NINL: variants seen among roughly 807,000 people sequenced by gnomAD.
The protein encoded by NINL is ninein like, also known as ninein-like protein.
In NINL, 153 loss-of-function variants were observed where a neutral mutation model predicts 160.3. That is an observed-to-expected ratio of 0.95 (90% CI 0.84 to 1.09). The LOEUF is 1.09. NINL is among the 50% of genes least tolerant of loss of function. The pLI is 0.00. For synonymous variants in NINL, 800 were observed against 734.8 expected, an observed-to-expected ratio of 1.09 and a Z score of -1.43; for missense variants, 1,829 against 1,764.0, an observed-to-expected ratio of 1.04 and a Z score of -0.66.
intron 13 of NINL, among the ~76,000 whole-genome samples, chr20:25,487,286 G>T (rs1018727805): frequency 2.6e-5 from 4 of 152,036 alleles, no homozygotes; most frequent in African/African-American, 7.2e-5. Context: ...ATATCTTTAG[G>T]TTTTTTTCTC....
intron 1 of NINL, among the ~76,000 whole-genome samples, chr20:25,564,109 C>T (rs2064973914): frequency 6.7e-6 from 1 of 149,890 alleles, no homozygotes; most frequent in South Asian, 2.1e-4. Context: ...TACCTGTGGT[C>T]TCAGCTACTT....
chr20:25,517,097 C>G (rs1408310687), intron 3 of NINL, among the ~76,000 whole-genome samples: 6 of 152,052 alleles, frequency 3.9e-5, no homozygotes, highest in Non-Finnish European at 8.8e-5. Flanking sequence ...TCTGTGTGAG[C>G]CTGGTCCCTT....
chr20:25,582,305 A>C (rs1164699951), intron 1 of NINL, among the ~76,000 whole-genome samples: 1 of 151,930 alleles, frequency 6.6e-6, no homozygotes, highest in Non-Finnish European at 1.5e-5. Context: ...TTAAGTCCTA[A>C]CTATTCCTCT....
Position 25,464,416 on chromosome 20 carries a change from CAAAACA to C in NINL, c.3424-1881_3424-1876del, listed in dbSNP as rs1004242408. Reference sequence around the variant, plus strand: ...AGAGTGACAGAACAAGACTCCATCTCAAAACAAACAAACAAACAAACAAACAAACAC... The same window carrying C: ...AGAGTGACAGAACAAGACTCCATCTCAACAAACAAACAAACAAACAAACAC... On this transcript the variant is annotated intron_variant, in intron 19 of 23. Transcript: ENST00000278886. Among the ~76,000 whole-genome samples, 4 of 140,436 alleles carry C rather than the reference CAAAACA, an allele frequency of 2.8e-5. No homozygotes were observed. In the Admixed American group the frequency reaches 3.0e-4, roughly 10 times the overall value. The allele number at this position is 140,436 out of a possible 152,430, so 92.1% of individuals were successfully genotyped here.
In NINL at chr20:25,510,777, G is replaced by C. The variant is rs759426373; in HGVS notation, c.451-37C>G. On this transcript the variant is annotated intron_variant, in intron 4 of 23. Coordinates refer to ENST00000278886, the MANE Select transcript of NINL (RefSeq NM_025176.6). ...TGCAGAGAGAAGGCTGTGAGTTCCAGGGGGTGCTGCTGGGGACGGAGCACC... is the reference window on the plus strand; with the variant it reads ...TGCAGAGAGAAGGCTGTGAGTTCCACGGGGTGCTGCTGGGGACGGAGCACC... The C allele has an allele frequency of 2.6e-6, 4 of 1,540,702 alleles. No individual in the cohort carries two copies. The South Asian group carries it at 4.5e-5, about 18-fold the overall frequency.
chr20:25,545,474 A>C (rs1386111529), intron 1 of NINL, among the ~76,000 whole-genome samples: 2 of 108,130 alleles, frequency 1.8e-5, no homozygotes, highest in Non-Finnish European at 4.3e-5. Context: ...TAAAATTCTG[A>C]GCCCCCCCCC....
intron 2 of NINL, 135 bp from the exon 3 acceptor site, chr20:25,517,984 A>G (rs2064191379): frequency 1.9e-6 from 1 of 528,076 alleles, no homozygotes; most frequent in Non-Finnish European, 3.3e-6. Context: ...TCACGTTTTC[A>G]AATATTTACT....
At chr20:25,562,990 T>C (rs1018871818) in intron 1 of NINL, among the ~76,000 whole-genome samples, 1 of 151,840 alleles carries the variant, frequency 6.6e-6, no homozygotes, top group East Asian at 1.9e-4. Flanking sequence ...CACGGTGAAA[T>C]CCCATCTCTA....
chr20:25,472,004 T>C (rs6138578), intron 17 of NINL, among the ~76,000 whole-genome samples: 4,689 of 151,198 alleles, frequency 0.031, 182 homozygotes, highest in East Asian at 0.23. Context: ...ATAAGTGTTA[T>C]GAAATGTTTA....
chr20:25,467,005 C>T (rs566387447), intron 19 of NINL, among the ~76,000 whole-genome samples: 2 of 152,356 alleles, frequency 1.3e-5, no homozygotes, highest in East Asian at 1.9e-4. Flanking sequence ...GTCATCTCCA[C>T]AAGCAGCTGG....
At chr20:25,478,035 G>A (rs551482039) in intron 16 of NINL, among the ~76,000 whole-genome samples, 10 of 148,786 alleles carry the variant, frequency 6.7e-5, no homozygotes, top group African/African-American at 2.2e-4. Flanking sequence ...TGCAACCTCC[G>A]CCTCCTGAAT....
Position 25,557,855 on chromosome 20 carries a change from G to A in NINL, c.-12+27600C>T, listed in dbSNP as rs949194820. Among the ~76,000 whole-genome samples the A allele has an allele frequency of 2.6e-5, 4 of 151,958 alleles. No individual in the cohort carries two copies. The South Asian group carries it at 6.2e-4, about 24-fold the overall frequency. On this transcript the variant is annotated intron_variant, in intron 1 of 23. Transcript: ENST00000278886. ...CAAAGATAAATATACTGGGCTGGGC[G>A]CAGTGGCTCACGCTTGTAATCCCAG...
At chr20:25,520,692 C>A in intron 2 of NINL, among the ~76,000 whole-genome samples, 1 of 152,332 alleles carries the variant, frequency 6.6e-6, no homozygotes, top group South Asian at 2.1e-4. Context: ...TTATTTTCTT[C>A]TAGCATATTG....
chr20:25,459,593 C>T (rs879711303), intron 21 of NINL, among the ~76,000 whole-genome samples: 6 of 152,192 alleles, frequency 3.9e-5, no homozygotes, highest in Non-Finnish European at 8.8e-5. Context: ...GGGACTCCCA[C>T]GCATCAAGCA....
At chr20:25,578,352 C>G (rs967678462) in intron 1 of NINL, among the ~76,000 whole-genome samples, 2 of 151,994 alleles carry the variant, frequency 1.3e-5, no homozygotes, top group African/African-American at 4.8e-5. Flanking sequence ...AAGTGATCTG[C>G]CCGCCTCAAT....
intron 10 of NINL, among the ~76,000 whole-genome samples, chr20:25,494,435 G>A (rs1468452903): frequency 6.6e-6 from 1 of 150,838 alleles, no homozygotes; most frequent in African/African-American, 2.4e-5. Context: ...CATACCTGAG[G>A]TCCCATGAAC....
chr20:25,559,256 C>T (rs1161463328), intron 1 of NINL, among the ~76,000 whole-genome samples: 1 of 151,982 alleles, frequency 6.6e-6, no homozygotes, highest in Non-Finnish European at 1.5e-5. Flanking sequence ...TTTCTTTTTT[C>T]TTTGAGATGG....
intron 19 of NINL, among the ~76,000 whole-genome samples, chr20:25,466,258 G>C (rs1019573145): frequency 1.2e-4 from 18 of 151,966 alleles, no homozygotes; most frequent in Non-Finnish European, 1.9e-4. Flanking sequence ...CTGGGCTCAA[G>C]TGATCCGCCC....
chr20:25,525,882 T>G (rs1460693698), intron 2 of NINL, among the ~76,000 whole-genome samples: 2 of 152,212 alleles, frequency 1.3e-5, no homozygotes, highest in African/African-American at 4.8e-5. Flanking sequence ...AAGAACCCTC[T>G]AATTTCACGT....
Sources: allele counts gnomAD v4.1 joint callset (sites outside exome capture counted in the v4.1 genomes callset), GRCh38; gene constraint gnomAD v4.1.1; transcripts MANE v1.5; gene names NCBI Gene and HGNC (gene_info 2026-07-23, HGNC 2026-07-21).